Variants in SHTN1 observed in about 807,000 individuals in gnomAD.
The protein encoded by SHTN1 is shootin-1.
Under a neutral mutation model 83.1 loss-of-function variants are expected in SHTN1, and 42 were observed. The ratio of observed to expected loss-of-function variants is 0.51; its 90% CI spans 0.39 to 0.65. The LOEUF (loss-of-function observed/expected upper bound fraction) is 0.65, where lower values mean the gene tolerates loss of function less well. SHTN1 is among the 30% of genes least tolerant of loss of function. The pLI, the probability that SHTN1 is intolerant of heterozygous loss-of-function variation, is 0.00. For missense variants in SHTN1, 622 were observed against 737.8 expected (o/e 0.84, Z 1.82); for synonymous variants, 224 against 247.7 (o/e 0.90, Z 0.90).
chr10:116,964,655 A>G (rs1210209042), intron 3 of SHTN1, among the ~76,000 whole-genome samples: 1 of 152,244 alleles, frequency 6.6e-6, no homozygotes, highest in Non-Finnish European at 1.5e-5. Flanking sequence ...TGTGTCCTTA[A>G]AACAGATTAA....
intron 1 of SHTN1, chr10:117,048,614 T>C (rs1272958497): frequency 1.8e-5 from 5 of 273,492 alleles, no homozygotes; most frequent in African/African-American, 6.9e-5. Flanking sequence ...GTGTTCAGAC[T>C]CCCCAATTAT....
chr10:117,042,763 ACAC>A (rs759385938), intron 2 of SHTN1, among the ~76,000 whole-genome samples: 8 of 151,626 alleles, frequency 5.3e-5, no homozygotes, highest in Non-Finnish European at 1.0e-4. Flanking sequence ...CTACAGGCGT[ACAC>A]CACCACACCC....
At chr10:117,041,054 C>T (rs950738573) in intron 2 of SHTN1, among the ~76,000 whole-genome samples, 2 of 152,008 alleles carry the variant, frequency 1.3e-5, no homozygotes, top group Non-Finnish European at 2.9e-5. Flanking sequence ...CCTAGTAACT[C>T]GTCATTTAAC....
At chr10:116,903,504 G>A (rs1019253893) in intron 15 of SHTN1, among the ~76,000 whole-genome samples, 5 of 151,890 alleles carry the variant, frequency 3.3e-5, no homozygotes, top group Non-Finnish European at 5.9e-5. Context: ...CAGCCTGGGC[G>A]ACAAGAGAGA....
chr10:117,017,156 A>G (rs1160777224), intron 2 of SHTN1, among the ~76,000 whole-genome samples: 1 of 152,188 alleles, frequency 6.6e-6, no homozygotes, highest in African/African-American at 2.4e-5. Context: ...ACCAACCTGA[A>G]AGAGCTCTCA....
At chr10:116,894,884 G>T (rs556205591) in intron 16 of SHTN1, among the ~76,000 whole-genome samples, 4 of 152,270 alleles carry the variant, frequency 2.6e-5, no homozygotes, top group African/African-American at 9.6e-5. Flanking sequence ...AAACTCTTAA[G>T]CCTCTGCCTG....
chr10:116,927,119 A>G (rs1038789414), intron 11 of SHTN1, among the ~76,000 whole-genome samples: 2 of 152,246 alleles, frequency 1.3e-5, no homozygotes, highest in African/African-American at 4.8e-5. Context: ...GTTTATAACA[A>G]TTAGCATGTT....
Position 117,053,024 on chromosome 10 carries a change from A to AAAAAAAAAAAAAG in SHTN1, c.-188-4515_-188-4514insCTTTTTTTTTTTT, listed in dbSNP as rs1554934278. ...AACAGAGCAAGACTGTGTCTCAAAA[A>AAAAAAAAAAAAAG]AAAAAAGAATTAAGAATTAAGTTGG... is the stretch of plus-strand genomic sequence containing the variant. On this transcript the variant is annotated intron_variant, in intron 1 of 17. Coordinates refer to the SHTN1 transcript ENST00000392901. Among the ~76,000 whole-genome samples the AAAAAAAAAAAAAG allele has an allele frequency of 1.6e-4, 8 of 51,368 alleles. 4 individuals are homozygous for AAAAAAAAAAAAAG. The highest frequency in any genetic ancestry group is 1.4e-3 in the Admixed American group (4 of 2,948). The allele number at this position is 51,368 out of a possible 152,430, so 33.7% of individuals were successfully genotyped here.
chr10:116,915,457 T>A lies in SHTN1; in HGVS notation c.1223A>T (p.Gln408Leu). Residue 408 changes from glutamine (Q) to leucine (L), a missense_variant, in exon 13 of 17, where the codon CAA becomes CTA. Gln to Leu is a moderately radical substitution (Grantham distance 113). Transcript: ENST00000355371. ...TTEEVTDLKR[Q>L]AVEEMMDRIK... Reference sequence around the variant, plus strand: ...TCTATCCATCATCTCTTCAACTGCTTGCCTCTTTAGATCTGTGACTTCTTC... The same window carrying A: ...TCTATCCATCATCTCTTCAACTGCTAGCCTCTTTAGATCTGTGACTTCTTC... The A allele has an allele frequency of 6.2e-7, 1 of 1,609,156 alleles. No homozygotes were observed.
At chr10:116,889,326 G>C (rs994191321) in intron 16 of SHTN1, among the ~76,000 whole-genome samples, 1 of 152,208 alleles carries the variant, frequency 6.6e-6, no homozygotes, top group African/African-American at 2.4e-5. Flanking sequence ...TCAGTCCAAA[G>C]AACGATCTCC....
chr10:117,032,368 TA>T (rs1852430637), intron 2 of SHTN1, among the ~76,000 whole-genome samples: 1 of 152,128 alleles, frequency 6.6e-6, no homozygotes, highest in Admixed American at 6.6e-5. Flanking sequence ...CGTGCCCGGC[TA>T]ATTTTTTATA....
chr10:116,980,605 G>C (rs1386061544), intron 1 of SHTN1, among the ~76,000 whole-genome samples: 1 of 150,180 alleles, frequency 6.7e-6, no homozygotes. Flanking sequence ...AAAAAACAGA[G>C]CTTCCTATTT....
chr10:116,904,986 G>A (rs1847905548), intron 15 of SHTN1, among the ~76,000 whole-genome samples: 1 of 151,214 alleles, frequency 6.6e-6, no homozygotes, highest in African/African-American at 2.4e-5. Flanking sequence ...TGGATCATGA[G>A]GTCAGGAGAT....
At chr10:116,897,257 G>A (rs887306523) in intron 16 of SHTN1, among the ~76,000 whole-genome samples, 5 of 152,128 alleles carry the variant, frequency 3.3e-5, no homozygotes, top group Admixed American at 6.5e-5. Flanking sequence ...TCCTGAGGAT[G>A]TATTTTAAAA....
intron 1 of SHTN1, among the ~76,000 whole-genome samples, chr10:117,003,291 G>A (rs753285611): frequency 1.1e-4 from 16 of 149,948 alleles, no homozygotes; most frequent in Non-Finnish European, 2.2e-4. Context: ...TAAAACACTT[G>A]AGAAACTTCA....
At chr10:117,102,684 G>A (rs534215354) in intron 1 of SHTN1, among the ~76,000 whole-genome samples, 158 of 151,914 alleles carry the variant, frequency 1.0e-3, no homozygotes, top group African/African-American at 3.5e-3. Context: ...AGTCCAAGCA[G>A]GAAAGGCAGG....
At chr10:117,112,030 C>G (rs994523872) in intron 1 of SHTN1, among the ~76,000 whole-genome samples, 1 of 152,064 alleles carries the variant, frequency 6.6e-6, no homozygotes, top group Non-Finnish European at 1.5e-5. Flanking sequence ...CAGTGGCACG[C>G]TCTCTGCTCA....
At chr10:116,979,992 T>A (rs960247120) in intron 1 of SHTN1, among the ~76,000 whole-genome samples, 12 of 152,272 alleles carry the variant, frequency 7.9e-5, no homozygotes, top group African/African-American at 2.9e-4. Flanking sequence ...GGGGAAGATA[T>A]GTTAAACTGT....
chr10:117,058,763 C>A (rs534537131), intron 1 of SHTN1, among the ~76,000 whole-genome samples: 1 of 152,014 alleles, frequency 6.6e-6, no homozygotes, highest in Non-Finnish European at 1.5e-5. Flanking sequence ...TAGATGAATG[C>A]GCAAGCAAAA....
Sources: allele counts gnomAD v4.1 joint callset (sites outside exome capture counted in the v4.1 genomes callset), GRCh38; gene constraint gnomAD v4.1.1; transcripts MANE v1.5; gene names NCBI Gene and HGNC (gene_info 2026-07-23, HGNC 2026-07-21).